PTPRU: variants seen among roughly 807,000 people sequenced by gnomAD.
PTPRU encodes the protein receptor-type tyrosine-protein phosphatase U.
A neutral mutation model predicts 166.3 loss-of-function variants in PTPRU; 69 were observed. The observed-to-expected ratio is 0.41, with a 90% confidence interval of 0.34 to 0.51. The LOEUF (loss-of-function observed/expected upper bound fraction) is 0.51. Among genes scored for constraint, PTPRU ranks in the 20% least tolerant of loss-of-function variants. The pLI is 0.09. For missense variants in PTPRU, 1,657 were observed against 2,013.7 expected (o/e 0.82, Z 3.39); for synonymous variants, 793 against 814.0 (o/e 0.97, Z 0.44).
At chr1:29,318,029 G>C in intron 25 of PTPRU, 108 bp downstream of exon 25, 1 of 1,404,440 alleles carries the variant, frequency 7.1e-7, no homozygotes, top group Non-Finnish European at 9.6e-7. Flanking sequence ...GGGGACCCCT[G>C]CCCATTCTGG....
Position 29,316,004 on chromosome 1 carries a change from G to A in PTPRU, c.3366G>A (p.Glu1122=), listed in dbSNP as rs1331845805. 1.9e-6 allele frequency: 3 copies of A among 1,614,032 alleles called. No individual in the cohort carries two copies. Among genetic ancestry groups the A allele is most frequent in the Admixed American group, 1.7e-5 (1 of 60,016 alleles). ...CTCATTCTCATCTCCTGTTCCAGGA[G>A]CAGTACATCTTCATTCATGATGCAA... ...SRRVNMIQTE[E]QYIFIHDAIL... Residue 1122 remains glutamate (E), a splice_region_variant and synonymous_variant, in exon 24 of 30, where the codon GAG becomes GAA. Transcript: ENST00000373779.
rs1684978444 is a variant in PTPRU at position 29,260,057 on chromosome 1, ACGCCGGGGAG to A, written c.850+21_850+30del. On this transcript the variant is annotated intron_variant, in intron 6 of 29. Coordinates refer to ENST00000373779, the MANE Select transcript of PTPRU (RefSeq NM_133178.4). This position sits in a 1 kb window ranked among gnomAD's most constrained non-coding sequence, Gnocchi z 8.3. ...CTCATCGTCAAGGGTCAGCTGGTGG[ACGCCGGGGAG>A]CGCCGGGACCTCACCCTCGAGGGGC... is the stretch of plus-strand genomic sequence containing the variant. The A allele has an allele frequency of 4.8e-6, 6 of 1,238,072 alleles. No individual in the cohort carries two copies. Among genetic ancestry groups the A allele is most frequent in the East Asian group, 4.7e-5 (1 of 21,362 alleles). 76.7% of individuals were successfully genotyped at this position (1,238,072 alleles called of 1,614,324 possible).
chr1:29,291,460 G>A lies in PTPRU; in HGVS notation c.2319-409G>A, dbSNP rs1243185290. ...GGAGGAGAGAGGTGGGGACATGCTGGGCCTGGAGCTGGGCCAGCCATTTTC... is the reference window on the plus strand; with the variant it reads ...GGAGGAGAGAGGTGGGGACATGCTGAGCCTGGAGCTGGGCCAGCCATTTTC... On this transcript the variant is annotated intron_variant, in intron 14 of 29. Coordinates refer to ENST00000373779, the MANE Select transcript of PTPRU (RefSeq NM_133178.4). This position sits in a 1 kb window ranked among gnomAD's most constrained non-coding sequence, Gnocchi z 4.1. 6.6e-6 allele frequency among the ~76,000 whole-genome samples: 1 copy of A among 152,108 alleles called. No individual in the cohort carries two copies. Among genetic ancestry groups the A allele is most frequent in the African/African-American group, 2.4e-5 (1 of 41,420 alleles).
chr1:29,315,628 A>G lies in PTPRU; in HGVS notation c.3363+121A>G. The G allele has an allele frequency of 1.4e-6, 2 of 1,419,364 alleles. No individual in the cohort carries two copies. The highest frequency in any genetic ancestry group is 1.9e-4 in the Middle Eastern group (1 of 5,166). The allele number at this position is 1,419,364 out of a possible 1,614,324, so 87.9% of individuals were successfully genotyped here. ...TCCTGAGGCTCTTGCCTTCCCTCAG[A>G]TCATCCCTGACCTTGGGCCGCCAAC... On this transcript the variant is annotated intron_variant, in intron 23 of 29. Transcript: ENST00000373779. The surrounding 1 kb of genome is among the most constrained non-coding windows in gnomAD (Gnocchi z 4.5).
chr1:29,286,032 TG>T (rs1686329602), intron 14 of PTPRU, among the ~76,000 whole-genome samples: 1 of 152,152 alleles, frequency 6.6e-6, no homozygotes. Context: ...ATGGATGAGT[TG>T]GTTGTATCTC....
chr1:29,289,383 G>A (rs1686512321), intron 14 of PTPRU, among the ~76,000 whole-genome samples: 1 of 152,192 alleles, frequency 6.6e-6, no homozygotes, highest in African/African-American at 2.4e-5. Context: ...ATGTGTGTCT[G>A]TGTGAGTGTG....
intron 3 of PTPRU, 63 bp downstream of exon 3, chr1:29,258,839 G>C (rs1023652139): frequency 1.4e-5 from 21 of 1,523,266 alleles, no homozygotes; most frequent in Non-Finnish European, 1.8e-5. Flanking sequence ...ATGTCAAATT[G>C]AGGTTGGAGT....
At chr1:29,296,537 T>G (rs1686889323) in intron 15 of PTPRU, among the ~76,000 whole-genome samples, 1 of 151,400 alleles carries the variant, frequency 6.6e-6, no homozygotes, top group African/African-American at 2.4e-5. Context: ...GAGATAGGGT[T>G]TCACCCTGTT....
chr1:29,257,409 C>T lies in PTPRU; in HGVS notation c.206-1096C>T, dbSNP rs1684819439. On this transcript the variant is annotated intron_variant, in intron 2 of 29. Coordinates refer to ENST00000373779, the MANE Select transcript of PTPRU (RefSeq NM_133178.4). This position sits in a 1 kb window ranked among gnomAD's most constrained non-coding sequence, Gnocchi z 4.6. The stretch of plus-strand genomic sequence containing the variant: ...CCAGCAGAGTCCCTGGGGAGCCCTC[C>T]TGGAGCGGGGATCTGAGTGAGCTTG... Among the ~76,000 whole-genome samples, 1 of 152,140 alleles carries T rather than the reference C, an allele frequency of 6.6e-6. No homozygotes were observed. Among genetic ancestry groups the T allele is most frequent in the African/African-American group, 2.4e-5 (1 of 41,438 alleles).
chr1:29,315,322 G>A lies in PTPRU; in HGVS notation c.3228-50G>A, dbSNP rs184845292. On this transcript the variant is annotated intron_variant, in intron 22 of 29. Transcript: ENST00000373779. The surrounding 1 kb of genome is among the most constrained non-coding windows in gnomAD (Gnocchi z 4.5). ...CTCCTCTCTTCTTCTCCTTAGTCCC[G>A]GGCTTCCTCCCCAAAGCTCTGACCT... is the stretch of plus-strand genomic sequence containing the variant. 6.4e-4 allele frequency: 1,035 copies of A among 1,610,622 alleles called. 2 individuals are homozygous for A. Among genetic ancestry groups the A allele is most frequent in the African/African-American group, 4.5e-3 (335 of 74,946 alleles).
chr1:29,247,613 T>TTGCACCAC (rs61182654), intron 1 of PTPRU, among the ~76,000 whole-genome samples: 16,247 of 152,072 alleles, frequency 0.11, 1,177 homozygotes, highest in African/African-American at 0.21. Flanking sequence ...TGTGAACTCT[T>TTGCACCAC]TGCACCACTG....
intron 18 of PTPRU, among the ~76,000 whole-genome samples, chr1:29,309,715 G>A (rs189732533): frequency 6.6e-6 from 1 of 152,238 alleles, no homozygotes; most frequent in Non-Finnish European, 1.5e-5. Flanking sequence ...AAATGAAGGA[G>A]TTTTTGCTCA....
chr1:29,315,901 TC>T lies in PTPRU; in HGVS notation c.3364-100del. On this transcript the variant is annotated intron_variant, in intron 23 of 29. Coordinates refer to ENST00000373779, the MANE Select transcript of PTPRU (RefSeq NM_133178.4). This position sits in a 1 kb window ranked among gnomAD's most constrained non-coding sequence, Gnocchi z 4.5. ...TGTAGTAACATGGTTGGCCTCCACCTCAGGACACCCTGCTTCAACCTTGAGC... is the reference window on the plus strand; with the variant it reads ...TGTAGTAACATGGTTGGCCTCCACCTAGGACACCCTGCTTCAACCTTGAGC... 2.1e-6 allele frequency: 3 copies of T among 1,439,876 alleles called. No homozygotes were observed. Among genetic ancestry groups the T allele is most frequent in the Non-Finnish European group, 2.8e-6 (3 of 1,060,092 alleles). 89.2% of individuals were successfully genotyped at this position (1,439,876 alleles called of 1,614,324 possible).
At chr1:29,300,947 G>T (rs1350861304) in intron 15 of PTPRU, among the ~76,000 whole-genome samples, 1 of 152,148 alleles carries the variant, frequency 6.6e-6, no homozygotes, top group Non-Finnish European at 1.5e-5. Context: ...TTGCCGGGAG[G>T]GTCATTTCAG....
intron 25 of PTPRU, among the ~76,000 whole-genome samples, chr1:29,318,905 T>C (rs1349072536): frequency 6.6e-6 from 1 of 152,214 alleles, no homozygotes; most frequent in Admixed American, 6.5e-5. Context: ...GGGATGCCGA[T>C]GGGGAAGGTT....
In PTPRU at chr1:29,325,846, C is replaced by T. The variant is rs1157076880; in HGVS notation, c.*185C>T. On this transcript the variant is annotated 3_prime_UTR_variant, in exon 30 of 30. Coordinates refer to ENST00000373779, the MANE Select transcript of PTPRU (RefSeq NM_133178.4). Reference sequence around the variant, plus strand: ...CAGGGCCTTTCGCTTGTCCCATGGGCGGGTGGTGGGCCAAGGAGGAGCTTA... The same window carrying T: ...CAGGGCCTTTCGCTTGTCCCATGGGTGGGTGGTGGGCCAAGGAGGAGCTTA... 28 of 664,752 alleles carry T rather than the reference C, an allele frequency of 4.2e-5. No homozygotes were observed. Among genetic ancestry groups the T allele is most frequent in the Non-Finnish European group, 6.0e-5 (25 of 415,308 alleles). 41.2% of individuals were successfully genotyped at this position (664,752 alleles called of 1,614,324 possible). A position where few individuals can be genotyped will look rare whatever the true frequency, so the allele number is the denominator to read the frequency against.
At chr1:29,242,768 T>G (rs1288652013) in intron 1 of PTPRU, among the ~76,000 whole-genome samples, 4 of 152,212 alleles carry the variant, frequency 2.6e-5, no homozygotes, top group African/African-American at 9.6e-5. Flanking sequence ...GGACCATGAC[T>G]CAGTGGCTCT....
intron 15 of PTPRU, among the ~76,000 whole-genome samples, chr1:29,296,610 G>T (rs1436522743): frequency 1.3e-5 from 2 of 150,820 alleles, no homozygotes; most frequent in African/African-American, 4.9e-5. Flanking sequence ...CTGGGCTCAA[G>T]TGATCCTCCT....
intron 1 of PTPRU, among the ~76,000 whole-genome samples, chr1:29,253,020 G>A (rs1684624401): frequency 6.6e-6 from 1 of 152,212 alleles, no homozygotes; most frequent in Non-Finnish European, 1.5e-5. Context: ...TGCAGGTTGG[G>A]GTTCCCACGA....
Sources: allele counts gnomAD v4.1 joint callset (sites outside exome capture counted in the v4.1 genomes callset), GRCh38; gene constraint gnomAD v4.1.1; non-coding constraint Gnocchi (gnomAD v3.1); transcripts MANE v1.5; gene names NCBI Gene and HGNC (gene_info 2026-07-23, HGNC 2026-07-21).